TANC2: variants seen among roughly 807,000 people sequenced by gnomAD.
TANC2 encodes the protein tetratricopeptide repeat, ankyrin repeat and coiled-coil containing 2.
TANC2 carries 26 observed loss-of-function variants against 210.5 expected under a neutral mutation model. That is an observed-to-expected ratio of 0.12 (90% CI 0.09 to 0.17). TANC2 has a LOEUF of 0.17. TANC2 is among the 10% of genes least tolerant of loss of function. The pLI is 1.00. For synonymous variants in TANC2, 931 were observed against 967.1 expected (o/e 0.96, Z 0.69); for missense variants, 2,129 against 2,608.9 (o/e 0.82, Z 4.01).
At chr17:63,075,192 CTAAAAA>C (rs1282298679) in intron 3 of TANC2, among the ~76,000 whole-genome samples, 6 of 151,878 alleles carry the variant, frequency 4.0e-5, no homozygotes, top group Admixed American at 2.6e-4. Flanking sequence ...ATGTAAAACT[CTAAAAA>C]TAAAATTAGT....
chr17:63,175,345 A>G (rs1254483932), intron 5 of TANC2, among the ~76,000 whole-genome samples: 1 of 151,992 alleles, frequency 6.6e-6, no homozygotes, highest in African/African-American at 2.4e-5. Flanking sequence ...CTGGCAACCT[A>G]GCAAGATCCG....
chr17:63,179,991 AAAG>A (rs200681118), intron 5 of TANC2, among the ~76,000 whole-genome samples: 1,744 of 150,738 alleles, frequency 0.012, 37 homozygotes, highest in Admixed American at 0.065. Context: ...AAAAAAAAAA[AAAG>A]CCTTGGTGTG....
chr17:63,231,125 T>G (rs2042464670), intron 7 of TANC2, among the ~76,000 whole-genome samples: 1 of 152,156 alleles, frequency 6.6e-6, no homozygotes, highest in Non-Finnish European at 1.5e-5. Context: ...CTTGGTAAGT[T>G]TCCCTCCATC....
chr17:63,284,560 A>T (rs1330120819), intron 9 of TANC2, among the ~76,000 whole-genome samples: 1 of 151,862 alleles, frequency 6.6e-6, no homozygotes, highest in African/African-American at 2.4e-5. Context: ...GAACTTCCAG[A>T]TATATTTCTG....
At chr17:63,318,564 C>T (rs1407574912) in intron 10 of TANC2, among the ~76,000 whole-genome samples, 1 of 152,208 alleles carries the variant, frequency 6.6e-6, no homozygotes, top group African/African-American at 2.4e-5. Flanking sequence ...TGTTTCTGTT[C>T]TGGGCATTTC....
chr17:63,139,959 G>T (rs2039227947), intron 4 of TANC2, among the ~76,000 whole-genome samples: 1 of 151,878 alleles, frequency 6.6e-6, no homozygotes, highest in Admixed American at 6.6e-5. Context: ...TCATTCATTT[G>T]GTATAGGATT....
chr17:63,162,017 A>G (rs182920397), intron 5 of TANC2, among the ~76,000 whole-genome samples: 1 of 152,246 alleles, frequency 6.6e-6, no homozygotes, highest in African/African-American at 2.4e-5. Context: ...CAGAAATTTG[A>G]TTGCAGGCTG....
intron 11 of TANC2, chr17:63,332,209 G>T: frequency 2.8e-6 from 1 of 363,622 alleles, no homozygotes; most frequent in Non-Finnish European, 5.4e-6. Context: ...CTTTGCTCTG[G>T]GAATTTTGGC....
intron 9 of TANC2, among the ~76,000 whole-genome samples, chr17:63,298,833 A>G (rs1433292466): frequency 2.0e-5 from 3 of 152,324 alleles, no homozygotes; most frequent in East Asian, 1.9e-4. Flanking sequence ...TACATGTGCC[A>G]TGGTGGTTTG....
intron 2 of TANC2, among the ~76,000 whole-genome samples, chr17:63,034,837 A>G (rs1283395121): frequency 1.3e-5 from 2 of 152,222 alleles, no homozygotes; most frequent in Non-Finnish European, 2.9e-5. Flanking sequence ...ATGAGAAGTT[A>G]CTTACAGATG....
chr17:63,259,467 G>A (rs1453242719), intron 8 of TANC2, among the ~76,000 whole-genome samples: 1 of 152,184 alleles, frequency 6.6e-6, no homozygotes, highest in African/African-American at 2.4e-5. Context: ...TGTTCCTGCA[G>A]GGGGACAGGG....
At chr17:63,348,446 T>A (rs2046487768) in intron 12 of TANC2, among the ~76,000 whole-genome samples, 1 of 152,204 alleles carries the variant, frequency 6.6e-6, no homozygotes, top group African/African-American at 2.4e-5. Flanking sequence ...TTTTAGTGAC[T>A]TGTCACCTAG....
At chr17:63,112,083 A>G (rs934721737) in intron 4 of TANC2, among the ~76,000 whole-genome samples, 15 of 152,126 alleles carry the variant, frequency 9.9e-5, no homozygotes, top group African/African-American at 1.4e-4. Flanking sequence ...ATTATTGACC[A>G]TGGGCTCATA....
chr17:63,266,048 AAG>A (rs2043515323), intron 8 of TANC2, among the ~76,000 whole-genome samples: 1 of 152,120 alleles, frequency 6.6e-6, no homozygotes, highest in South Asian at 2.1e-4. Flanking sequence ...TGCTAATAAC[AAG>A]AGTTATGCAA....
intron 26 of TANC2, 37 bp downstream of exon 26, chr17:63,415,711 TG>T (rs749781152): frequency 9.1e-5 from 145 of 1,601,008 alleles, no homozygotes; most frequent in Non-Finnish European, 1.1e-4. Context: ...TCTGCAATCC[TG>T]GTAGCTGATA....
chr17:63,048,668 A>G (rs896735594), intron 2 of TANC2, among the ~76,000 whole-genome samples: 1 of 152,146 alleles, frequency 6.6e-6, no homozygotes, highest in Non-Finnish European at 1.5e-5. Context: ...GCTGGAGGCC[A>G]TTATCCTCAG....
chr17:63,281,877 A>G (rs1395659522), intron 9 of TANC2, among the ~76,000 whole-genome samples: 1 of 152,132 alleles, frequency 6.6e-6, no homozygotes, highest in Admixed American at 6.6e-5. Context: ...TATAAGCCAA[A>G]GAACACCATG....
exon 22 of TANC2, chr17:63,411,521 T>G (rs773301798): frequency 6.2e-7 from 1 of 1,610,584 alleles, no homozygotes; most frequent in South Asian, 1.1e-5. Flanking sequence ...GTGCCTCCAT[T>G]GCTCTTATGG....
chr17:63,095,110 G>A (rs1453040026), intron 3 of TANC2, among the ~76,000 whole-genome samples: 2 of 151,178 alleles, frequency 1.3e-5, no homozygotes, highest in African/African-American at 2.5e-5. Flanking sequence ...CTGCCCCACT[G>A]ATGCTTCTCT....
Sources: allele counts gnomAD v4.1 joint callset (sites outside exome capture counted in the v4.1 genomes callset), GRCh38; gene constraint gnomAD v4.1.1; transcripts MANE v1.5; gene names NCBI Gene and HGNC (gene_info 2026-07-23, HGNC 2026-07-21).